The following ANKRD50 variants were observed in gnomAD, a reference collection of about 807,000 sequenced individuals.
ANKRD50 encodes ankyrin repeat domain-containing protein 50.
ANKRD50 carries 40 observed loss-of-function variants against 112.0 expected under a neutral mutation model. That is an observed-to-expected ratio of 0.36 (90% CI 0.28 to 0.46). The LOEUF (loss-of-function observed/expected upper bound fraction) is 0.46. Among genes scored for constraint, ANKRD50 ranks in the 20% least tolerant of loss-of-function variants. The pLI is 1.00. For synonymous variants in ANKRD50, 613 were observed against 619.1 expected (o/e 0.99, Z 0.15); for missense variants, 1,487 against 1,701.7 (o/e 0.87, Z 2.22).
At chr4:124,703,194 A>T (rs2036205) in intron 2 of ANKRD50, among the ~76,000 whole-genome samples, 5 of 152,078 alleles carry the variant, frequency 3.3e-5, no homozygotes, top group Non-Finnish European at 7.3e-5. Flanking sequence ...AGAAAAAAGT[A>T]CAAATACTGA....
At position 124,668,892 on chromosome 4, in the gene ANKRD50, G is replaced by A. The variant is rs1450260227; in HGVS notation, c.*3+92C>T. On this transcript the variant is annotated intron_variant, in intron 4 of 4. Coordinates refer to ENST00000504087, the MANE Select transcript of ANKRD50 (RefSeq NM_020337.3). ...GATGACATCTGAGTAGAGATTAACT[G>A]AGGGAATTGGCCTTGTGATCAAGGA... The A allele has an allele frequency of 6.0e-6, 7 of 1,164,692 alleles. No homozygotes were observed. The African/African-American group carries it at 9.4e-5, about 16-fold the overall frequency. 72.1% of individuals were successfully genotyped at this position (1,164,692 alleles called of 1,614,324 possible).
rs539278944 is a variant in ANKRD50, at chr4:124,692,487, AT to A, written c.513-13583del. On this transcript the variant is annotated intron_variant, in intron 2 of 4. Transcript: ENST00000504087. ...TCTTCTTCAGGAAGTCAAGCTAAAT[AT>A]AAAAAAATCATCCTGCTATGTTTAA... Among the ~76,000 whole-genome samples, 246 of 152,334 alleles carry A rather than the reference AT, an allele frequency of 1.6e-3. 1 individual carries two copies. Among genetic ancestry groups the A allele is most frequent in the Middle Eastern group, 6.8e-3 (2 of 294 alleles).
At position 124,710,014 on chromosome 4, in the gene ANKRD50, G is replaced by A. The variant is rs757108475; in HGVS notation, c.498C>T (p.Ala166=). The A allele has an allele frequency of 1.9e-6, 3 of 1,608,636 alleles. No individual in the cohort carries two copies. Among genetic ancestry groups the A allele is most frequent in the South Asian group, 1.1e-5 (1 of 90,898 alleles). Reference sequence around the variant, plus strand: ...TTTATTGTTACCTTTTAAATGCTTCGGCTGGGTTTCTCTCGCACTCCCCAG... The same window carrying A: ...TTTATTGTTACCTTTTAAATGCTTCAGCTGGGTTTCTCTCGCACTCCCCAG... ...LQPGECERNP[A]EAFKRCVLLP... The change falls in exon 2 of 5, where the codon GCC becomes GCT. Residue 166 remains alanine (A), a synonymous_variant. Transcript: ENST00000504087.
chr4:124,666,539 C>A lies in ANKRD50; in HGVS notation c.*979G>T, dbSNP rs1415429063. 6.6e-6 allele frequency: 1 copy of A among 152,240 alleles called. No individual in the cohort carries two copies. The highest frequency in any genetic ancestry group is 1.5e-5 in the Non-Finnish European group (1 of 67,918). The allele number at this position is 152,240 out of a possible 1,614,324, so 9.4% of individuals were successfully genotyped here. On this transcript the variant is annotated 3_prime_UTR_variant, in exon 5 of 5. Transcript: ENST00000504087. Reference sequence around the variant, plus strand: ...CATGCAGCAATTTACAAAATAGAAACCGCTGAGAGAGAAGCCAGCAAAATT... The same window carrying A: ...CATGCAGCAATTTACAAAATAGAAAACGCTGAGAGAGAAGCCAGCAAAATT...
Position 124,712,443 on chromosome 4 carries a change from CCG to C in ANKRD50, c.-764+13_-764+14del. The C allele has an allele frequency of 1.3e-5, 2 of 159,966 alleles. No individual in the cohort carries two copies. Among genetic ancestry groups the C allele is most frequent in the Non-Finnish European group, 2.7e-5 (2 of 73,874 alleles). The allele number at this position is 159,966 out of a possible 1,614,324, so 9.9% of individuals were successfully genotyped here. A position where few individuals can be genotyped will look rare whatever the true frequency, so the allele number is the denominator to read the frequency against. On this transcript the variant is annotated intron_variant, in intron 1 of 4. Coordinates refer to ENST00000504087, the MANE Select transcript of ANKRD50 (RefSeq NM_020337.3). ...AGGGGCCTCGCTTCCACCGCCGCCG[CCG>C]CCCCCCGGTTACCTCGGCCCCAGCC...
At chr4:124,706,654 A>T (rs1295426374) in intron 2 of ANKRD50, among the ~76,000 whole-genome samples, 1 of 152,222 alleles carries the variant, frequency 6.6e-6, no homozygotes, top group East Asian at 1.9e-4. Context: ...AACTATTAAA[A>T]TTGTTTCACA....
intron 2 of ANKRD50, among the ~76,000 whole-genome samples, chr4:124,697,050 A>G (rs1725270930): frequency 6.6e-6 from 1 of 152,228 alleles, no homozygotes; most frequent in Admixed American, 6.5e-5. Flanking sequence ...TTAGAAGGAT[A>G]AAGTTGCTAT....
At chr4:124,682,440 A>T (rs1486387403) in intron 2 of ANKRD50, among the ~76,000 whole-genome samples, 1 of 151,664 alleles carries the variant, frequency 6.6e-6, no homozygotes. Flanking sequence ...GGTCCTACGT[A>T]CTTACTGATT....
At chr4:124,688,079 C>T (rs1725047311) in intron 2 of ANKRD50, among the ~76,000 whole-genome samples, 1 of 152,070 alleles carries the variant, frequency 6.6e-6, no homozygotes, top group African/African-American at 2.4e-5. Flanking sequence ...TTTATAATCC[C>T]CCAAATTAGA....
intron 2 of ANKRD50, among the ~76,000 whole-genome samples, chr4:124,700,552 T>C (rs532149225): frequency 1.4e-4 from 21 of 152,354 alleles, no homozygotes; most frequent in African/African-American, 5.0e-4. Flanking sequence ...ACTGGTGGAT[T>C]GAATGTAGAT....
Position 124,671,742 on chromosome 4 carries a change from T to C in ANKRD50, c.1535A>G (p.Asp512Gly). The C allele has an allele frequency of 6.2e-7, 1 of 1,613,918 alleles. No individual in the cohort carries two copies. Among genetic ancestry groups the C allele is most frequent in the Non-Finnish European group, 8.5e-7 (1 of 1,179,868 alleles). The part of the protein sequence containing the change: ...KAGAHVNSED[D>G]RTSCIVRQAL... ...TTGTCGAACTATGCATGATGTGCGATCGTCTTCACTGTTGACATGAGCCCC... is the reference window on the plus strand; with the variant it reads ...TTGTCGAACTATGCATGATGTGCGACCGTCTTCACTGTTGACATGAGCCCC... Residue 512 changes from aspartate (D) to glycine (G), a missense_variant, in exon 4 of 5, where the codon GAT (aspartate) becomes GGT (glycine). Coordinates refer to ENST00000504087, the MANE Select transcript of ANKRD50 (RefSeq NM_020337.3).
intron 3 of ANKRD50, among the ~76,000 whole-genome samples, chr4:124,675,353 T>C (rs1000696252): frequency 2.0e-5 from 3 of 151,842 alleles, no homozygotes; most frequent in African/African-American, 4.8e-5. Context: ...CTTATTATCA[T>C]GAAGAACATA....
intron 2 of ANKRD50, among the ~76,000 whole-genome samples, chr4:124,689,924 T>TTG (rs10684908): frequency 0.98 from 149,284 of 152,218 alleles, 73,275 homozygotes; most frequent in South Asian, 1. Context: ...CTTACATAAT[T>TTG]TGTTTTTTAA....
intron 4 of ANKRD50, among the ~76,000 whole-genome samples, chr4:124,668,467 C>A (rs1730549012): frequency 6.6e-6 from 1 of 151,882 alleles, no homozygotes; most frequent in African/African-American, 2.4e-5. Flanking sequence ...GCATTCAAAC[C>A]AAAAAGATGA....
At chr4:124,691,125 T>C (rs1725125823) in intron 2 of ANKRD50, among the ~76,000 whole-genome samples, 1 of 151,924 alleles carries the variant, frequency 6.6e-6, no homozygotes, top group Admixed American at 6.6e-5. Context: ...GTAAATGGAG[T>C]GGCAATTCCC....
At chr4:124,690,488 C>G (rs1356641622) in intron 2 of ANKRD50, among the ~76,000 whole-genome samples, 1 of 151,718 alleles carries the variant, frequency 6.6e-6, no homozygotes, top group Non-Finnish European at 1.5e-5. Context: ...GAGCATTTCC[C>G]CAAAAATGTA....
intron 2 of ANKRD50, among the ~76,000 whole-genome samples, chr4:124,680,166 A>T (rs529382650): frequency 1.3e-5 from 2 of 152,286 alleles, no homozygotes; most frequent in East Asian, 3.9e-4. Context: ...GCAATTTTAT[A>T]TTTAATTATG....
intron 2 of ANKRD50, among the ~76,000 whole-genome samples, chr4:124,685,122 T>C (rs1331726855): frequency 6.6e-6 from 1 of 152,180 alleles, no homozygotes; most frequent in East Asian, 1.9e-4. Flanking sequence ...GTTACTTCTG[T>C]ACTGCTTTTG....
intron 2 of ANKRD50, among the ~76,000 whole-genome samples, chr4:124,680,008 T>A (rs2110513376): frequency 6.6e-6 from 1 of 152,310 alleles, no homozygotes; most frequent in South Asian, 2.1e-4. Flanking sequence ...CATTTGCAGT[T>A]TCCTCTGCCT....
Sources: allele counts gnomAD v4.1 joint callset (sites outside exome capture counted in the v4.1 genomes callset), GRCh38; gene constraint gnomAD v4.1.1; transcripts MANE v1.5; gene names NCBI Gene and HGNC (gene_info 2026-07-23, HGNC 2026-07-21).